Variants in BMPR1B observed in about 807,000 individuals in gnomAD.
BMPR1B encodes bone morphogenetic protein receptor type-1B.
In BMPR1B, 12 loss-of-function variants were observed where a neutral mutation model predicts 59.1. That is an observed-to-expected ratio of 0.20 (90% CI 0.13 to 0.33). BMPR1B has a LOEUF of 0.33. Among genes scored for constraint, BMPR1B ranks in the 10% least tolerant of loss-of-function variants. BMPR1B has a pLI of 1.00. For missense variants in BMPR1B, 550 were observed against 610.9 expected, an observed-to-expected ratio of 0.90 and a Z score of 1.05; for synonymous variants, 237 against 207.3, an observed-to-expected ratio of 1.14 and a Z score of -1.23.
chr4:94,856,521 A>G (rs1461523117), intron 1 of BMPR1B, among the ~76,000 whole-genome samples: 1 of 152,174 alleles, frequency 6.6e-6, no homozygotes, highest in Non-Finnish European at 1.5e-5. Context: ...TTAGTTTTCA[A>G]GTGCTCCTTT....
intron 1 of BMPR1B, among the ~76,000 whole-genome samples, chr4:94,766,071 T>C (rs1721956682): frequency 6.6e-6 from 1 of 152,184 alleles, no homozygotes; most frequent in South Asian, 2.1e-4. Context: ...CAGTGATAGG[T>C]ACATAGTAAA....
chr4:95,118,266 T>C (rs1294169464), intron 6 of BMPR1B, among the ~76,000 whole-genome samples: 7 of 152,100 alleles, frequency 4.6e-5, no homozygotes. Flanking sequence ...CACTGCAGAT[T>C]GTAGTCTGAG....
chr4:94,885,555 T>G (rs1727141350), intron 2 of BMPR1B, among the ~76,000 whole-genome samples: 1 of 152,154 alleles, frequency 6.6e-6, no homozygotes, highest in Admixed American at 6.6e-5. Context: ...AAACTTTATT[T>G]TTCAAACTTC....
chr4:94,835,202 T>C, intron 1 of BMPR1B, among the ~76,000 whole-genome samples: 1 of 151,984 alleles, frequency 6.6e-6, no homozygotes, highest in East Asian at 1.9e-4. Flanking sequence ...TACTGATTTA[T>C]TTTTAATTAA....
intron 3 of BMPR1B, among the ~76,000 whole-genome samples, chr4:95,022,742 A>T (rs984451989): frequency 2.0e-5 from 3 of 152,208 alleles, no homozygotes; most frequent in African/African-American, 7.2e-5. Context: ...TTATAAAAAG[A>T]CTATGGGAAT....
intron 1 of BMPR1B, among the ~76,000 whole-genome samples, chr4:94,814,242 A>G (rs1016669828): frequency 2.0e-5 from 3 of 152,196 alleles, no homozygotes; most frequent in African/African-American, 4.8e-5. Context: ...TCTCAAAATT[A>G]TTTTTTAACA....
At chr4:95,110,425 G>C (rs1426979546) in intron 4 of BMPR1B, among the ~76,000 whole-genome samples, 1 of 151,934 alleles carries the variant, frequency 6.6e-6, no homozygotes, top group Non-Finnish European at 1.5e-5. Flanking sequence ...AAATAAAAGG[G>C]GCATCTCTCA....
chr4:95,115,579 G>A (rs989445434), intron 5 of BMPR1B, 106 bp from the exon 6 acceptor site: 1 of 957,756 alleles, frequency 1.0e-6, no homozygotes, highest in Non-Finnish European at 1.7e-6. Flanking sequence ...GAAATTGTTA[G>A]AATTTTAAAT....
rs70946580 is a variant in BMPR1B at position 95,026,098 on chromosome 4, A to ATTTCTTTCTTTCTTTCTTTCTTTCTTTC, written c.-18+30002_-18+30029dup. On this transcript the variant is annotated intron_variant, in intron 3 of 12. Coordinates refer to ENST00000515059, the MANE Select transcript of BMPR1B (RefSeq NM_001203.3). Reference sequence around the variant, plus strand: ...TTGGCTGGCTGGATTGCTTTCTTTCATTTCTTTCTTTCTTTCTTTCTTTCT... The same window carrying ATTTCTTTCTTTCTTTCTTTCTTTCTTTC: ...TTGGCTGGCTGGATTGCTTTCTTTCATTTCTTTCTTTCTTTCTTTCTTTCTTTCTTTCTTTCTTTCTTTCTTTCTTTCT... Among the ~76,000 whole-genome samples, 89 of 101,704 alleles carry ATTTCTTTCTTTCTTTCTTTCTTTCTTTC rather than the reference A, an allele frequency of 8.8e-4. 1 individual carries two copies. Among genetic ancestry groups the ATTTCTTTCTTTCTTTCTTTCTTTCTTTC allele is most frequent in the East Asian group, 1.1e-3 (4 of 3,746 alleles). 66.7% of individuals were successfully genotyped at this position (101,704 alleles called of 152,430 possible).
At chr4:94,923,611 TAAG>T (rs1356824019) in intron 2 of BMPR1B, among the ~76,000 whole-genome samples, 1 of 152,174 alleles carries the variant, frequency 6.6e-6, no homozygotes, top group Non-Finnish European at 1.5e-5. Context: ...TGAATAATAA[TAAG>T]TTTAGATTAG....
intron 4 of BMPR1B, among the ~76,000 whole-genome samples, chr4:95,105,595 T>C (rs1457324714): frequency 6.6e-6 from 1 of 151,930 alleles, no homozygotes; most frequent in Non-Finnish European, 1.5e-5. Flanking sequence ...ACAAGAAACA[T>C]GACTGAGTAA....
intron 1 of BMPR1B, among the ~76,000 whole-genome samples, chr4:94,786,684 A>G (rs538128732): frequency 2.0e-4 from 30 of 151,138 alleles, no homozygotes; most frequent in South Asian, 4.2e-4. Flanking sequence ...GACTACAGGC[A>G]CCCACCACCA....
chr4:95,134,177 C>T (rs1015552281), intron 10 of BMPR1B, among the ~76,000 whole-genome samples: 7 of 152,170 alleles, frequency 4.6e-5, no homozygotes, highest in African/African-American at 1.7e-4. Context: ...CCAGTTTCAT[C>T]CATGTCCCTA....
intron 1 of BMPR1B, among the ~76,000 whole-genome samples, chr4:94,836,417 C>G (rs1724822225): frequency 7.3e-6 from 1 of 137,622 alleles, no homozygotes; most frequent in African/African-American, 2.9e-5. Flanking sequence ...TCTCCAGCAC[C>G]TGTTGTTTCC....
chr4:95,144,016 T>TTA (rs1444373503), intron 10 of BMPR1B, among the ~76,000 whole-genome samples: 1 of 151,888 alleles, frequency 6.6e-6, no homozygotes, highest in African/African-American at 2.4e-5. Flanking sequence ...TTTTTTTTTT[T>TTA]ACCCCTACAG....
chr4:95,066,109 A>G (rs1727780317), intron 3 of BMPR1B, among the ~76,000 whole-genome samples: 1 of 152,164 alleles, frequency 6.6e-6, no homozygotes, highest in Non-Finnish European at 1.5e-5. Context: ...AACCTTTATC[A>G]TGGTCTCTCC....
intron 10 of BMPR1B, among the ~76,000 whole-genome samples, chr4:95,132,521 A>G (rs1733434883): frequency 6.6e-6 from 1 of 152,278 alleles, no homozygotes; most frequent in South Asian, 2.1e-4. Flanking sequence ...CTTGATCTTT[A>G]AAAACAAAGC....
intron 6 of BMPR1B, among the ~76,000 whole-genome samples, chr4:95,116,035 A>G (rs936721533): frequency 1.3e-5 from 2 of 152,042 alleles, no homozygotes; most frequent in Non-Finnish European, 2.9e-5. Context: ...TGCTATTCCT[A>G]GAGTTTGTAG....
intron 3 of BMPR1B, among the ~76,000 whole-genome samples, chr4:95,033,445 C>A (rs530581121): frequency 6.6e-6 from 1 of 152,150 alleles, no homozygotes; most frequent in South Asian, 2.1e-4. Flanking sequence ...GGTCTTTAAT[C>A]CACTTTGAGG....
Sources: allele counts gnomAD v4.1 joint callset (sites outside exome capture counted in the v4.1 genomes callset), GRCh38; gene constraint gnomAD v4.1.1; transcripts MANE v1.5; gene names NCBI Gene and HGNC (gene_info 2026-07-23, HGNC 2026-07-21).